The following NHSL1 variants were observed in gnomAD, a reference collection of about 807,000 sequenced individuals.
NHSL1 encodes NHS like 1.
NHSL1 carries 48 observed loss-of-function variants against 95.0 expected under a neutral mutation model. The observed-to-expected ratio is 0.51, with a 90% confidence interval of 0.40 to 0.64. The LOEUF is 0.64. Among genes scored for constraint, NHSL1 ranks in the 30% least tolerant of loss-of-function variants. The pLI is 0.00. For missense variants in NHSL1, 1,971 were observed against 2,077.7 expected (o/e 0.95, Z 1.00); for synonymous variants, 783 against 833.9 (o/e 0.94, Z 1.05).
At chr6:138,654,885 C>T (rs1253156466) in intron 1 of NHSL1, among the ~76,000 whole-genome samples, 5 of 152,152 alleles carry the variant, frequency 3.3e-5, no homozygotes, top group African/African-American at 4.8e-5. Context: ...AAACCACCCA[C>T]GCTCTAAGGG....
In NHSL1 at chr6:138,431,398, A is replaced by T; in HGVS notation, c.2947T>A (p.Cys983Ser). Residue 983 changes from cysteine to serine, a missense_variant, in exon 6 of 8, where the codon TGC becomes AGC. Around this residue, in one of 3 missense-constraint regions of NHSL1, gnomAD observed 1,602 missense variants for 1,654.5 expected, o/e 0.97. Transcript: ENST00000343505. This position sits in a 1 kb window ranked among gnomAD's most constrained non-coding sequence, Gnocchi z 4.0. Reference protein sequence around the residue: ...PPPPEALIPFCSPPDWCLSPP... With the variant: ...PPPPEALIPFSSPPDWCLSPP... ...GAAAGGCACCAATCAGGTGGGGAGC[A>T]GAAAGGAATGAGAGCTTCTGGCGGC... 6.5e-7 allele frequency: 1 copy of T among 1,550,016 alleles called. No individual in the cohort carries two copies. Among genetic ancestry groups the T allele is most frequent in the Non-Finnish European group, 8.7e-7 (1 of 1,146,440 alleles).
intron 2 of NHSL1, among the ~76,000 whole-genome samples, chr6:138,491,393 A>G (rs7775174): frequency 0.97 from 147,077 of 152,302 alleles, 71,068 homozygotes; most frequent in Middle Eastern, 1. Flanking sequence ...TGTCAAATGA[A>G]GTCTACAGGT....
Position 138,442,014 on chromosome 6 carries a change from T to C in NHSL1, c.633A>G (p.Thr211=), listed in dbSNP as rs1487440046. ...PKKVKRRKTI[T]GVPDNIQKEL... ...CCTTCTGTATGTTGTCAGGGACTCC[T>C]GTAATAGTCTTTCTCCTTTTGACTT... The change falls in exon 5 of 8, where the codon ACA becomes ACG. Residue 211 remains threonine (T), a synonymous_variant. Coordinates refer to ENST00000343505, the MANE Select transcript of NHSL1 (RefSeq NM_001144060.2). The C allele has an allele frequency of 6.4e-7, 1 of 1,551,336 alleles. No homozygotes were observed. The highest frequency in any genetic ancestry group is 2.0e-5 in the Admixed American group (1 of 50,952).
intron 2 of NHSL1, among the ~76,000 whole-genome samples, chr6:138,473,843 T>TAA (rs35022781): frequency 1.4e-5 from 2 of 145,862 alleles, no homozygotes; most frequent in Admixed American, 1.4e-4. Flanking sequence ...TTATTCCACA[T>TAA]AAAAAAAAAA....
chr6:138,549,558 C>T (rs375744352), upstream of NHSL1, among the ~76,000 whole-genome samples: 22 of 152,280 alleles, frequency 1.4e-4, no homozygotes, highest in African/African-American at 4.3e-4. Context: ...GACTCTGTTA[C>T]CACCTTGATT....
At chr6:138,520,838 A>T (rs1386304702) in intron 1 of NHSL1, among the ~76,000 whole-genome samples, 4 of 152,206 alleles carry the variant, frequency 2.6e-5, no homozygotes, top group African/African-American at 9.6e-5. Flanking sequence ...ACTGTGATCA[A>T]CTAGGAAAGA....
exon 1 of NHSL1, chr6:138,571,842 T>G (rs777376213): frequency 3.2e-6 from 5 of 1,551,864 alleles, no homozygotes; most frequent in Non-Finnish European, 4.4e-6. Context: ...TTTATCCAAC[T>G]TACAGCACGT....
chr6:138,588,734 A>C (rs1223526620), intron 1 of NHSL1, among the ~76,000 whole-genome samples: 6 of 152,252 alleles, frequency 3.9e-5, no homozygotes, highest in African/African-American at 1.4e-4. Context: ...GGGTGAAAAG[A>C]AAGCTCTAGA....
Position 138,668,685 on chromosome 6 carries a change from C to T in NHSL1, c.96+23791G>A, listed in dbSNP as rs1344485504. Among the ~76,000 whole-genome samples, 3 of 138,936 alleles carry T rather than the reference C, an allele frequency of 2.2e-5. No individual in the cohort carries two copies. The East Asian group carries it at 6.5e-4, about 30-fold the overall frequency. 91.1% of individuals were successfully genotyped at this position (138,936 alleles called of 152,430 possible). ...CTGTAGCCAGGCTGGAGTGCAGTGG[C>T]GCAGTCTCGGCTCACTGCAACCTCC... is the stretch of plus-strand genomic sequence containing the variant. On this transcript the variant is annotated intron_variant, in intron 1 of 3. Coordinates refer to the NHSL1 transcript ENST00000491526.
rs565139034 is a variant in NHSL1 at position 138,619,618 on chromosome 6, G to A, written c.96+72858C>T. On this transcript the variant is annotated intron_variant, in intron 1 of 3. Transcript: ENST00000491526. ...GGAGTGTACAAATAGTACATTCTCC[G>A]TGGTGTTTTTTAAAAAGGAGTGGTC... Among the ~76,000 whole-genome samples the A allele has an allele frequency of 5.3e-5, 8 of 152,172 alleles. No homozygotes were observed. In the East Asian group the frequency reaches 7.7e-4, roughly 15 times the overall value.
At chr6:138,608,941 A>G (rs1056324008) in intron 1 of NHSL1, among the ~76,000 whole-genome samples, 1 of 152,226 alleles carries the variant, frequency 6.6e-6, no homozygotes, top group Non-Finnish European at 1.5e-5. Flanking sequence ...GTTGGTTACT[A>G]GAAGATGCTA....
intron 1 of NHSL1, among the ~76,000 whole-genome samples, chr6:138,505,087 T>C (rs1780890322): frequency 9.1e-6 from 1 of 109,704 alleles, no homozygotes; most frequent in Non-Finnish European, 1.7e-5. Flanking sequence ...CAGAGCTGTC[T>C]ACAGCTTCTA....
At chr6:138,690,387 T>C (rs1785648279) in intron 1 of NHSL1, among the ~76,000 whole-genome samples, 1 of 152,068 alleles carries the variant, frequency 6.6e-6, no homozygotes, top group African/African-American at 2.4e-5. Flanking sequence ...TCTCTACATG[T>C]ACATTTATAC....
chr6:138,565,434 T>C (rs1389301977), intron 1 of NHSL1, among the ~76,000 whole-genome samples: 2 of 152,046 alleles, frequency 1.3e-5, no homozygotes, highest in African/African-American at 2.4e-5. Flanking sequence ...AAGATCACTC[T>C]GGAGACAGTG....
upstream of NHSL1, among the ~76,000 whole-genome samples, chr6:138,549,941 A>C (rs1466719736): frequency 6.6e-6 from 1 of 151,976 alleles, no homozygotes; most frequent in Non-Finnish European, 1.5e-5. Flanking sequence ...TATCATATTA[A>C]AAAAAAATCC....
intron 1 of NHSL1, among the ~76,000 whole-genome samples, chr6:138,654,688 A>G (rs1785133840): frequency 6.6e-6 from 1 of 152,112 alleles, no homozygotes; most frequent in Non-Finnish European, 1.5e-5. Context: ...ATGCTCCCAC[A>G]TATTTTGTTT....
rs189406585 is a variant in NHSL1 at position 138,614,417 on chromosome 6, A to G, written c.96+78059T>C. ...GCTGCCTACTTTTGAACTTCTCATT[A>G]CATGAGAAAAATAAACATCCACAAG... is the stretch of plus-strand genomic sequence containing the variant. On this transcript the variant is annotated intron_variant, in intron 1 of 3. Transcript: ENST00000491526. Among the ~76,000 whole-genome samples the G allele has an allele frequency of 2.1e-3, 323 of 152,312 alleles. 1 individual carries two copies. Among genetic ancestry groups the G allele is most frequent in the Middle Eastern group, 3.4e-3 (1 of 294 alleles).
At chr6:138,672,510 G>T (rs1282297199) in intron 1 of NHSL1, among the ~76,000 whole-genome samples, 1 of 152,064 alleles carries the variant, frequency 6.6e-6, no homozygotes, top group African/African-American at 2.4e-5. Context: ...GAACACTTCA[G>T]CTCAGTCTAG....
chr6:138,668,626 CTTTTTT>C (rs1231203513), intron 1 of NHSL1, among the ~76,000 whole-genome samples: 1 of 130,438 alleles, frequency 7.7e-6, no homozygotes, highest in African/African-American at 2.8e-5. Context: ...ATTTTTTTTT[CTTTTTT>C]TTTTTTTTTT....
Sources: allele counts gnomAD v4.1 joint callset (sites outside exome capture counted in the v4.1 genomes callset), GRCh38; gene constraint gnomAD v4.1.1; regional missense constraint gnomAD v4.1.1; non-coding constraint Gnocchi (gnomAD v3.1); transcripts MANE v1.5; gene names NCBI Gene and HGNC (gene_info 2026-07-23, HGNC 2026-07-21).